Variants in MCC observed in about 807,000 individuals in gnomAD.
The protein encoded by MCC is colorectal mutant cancer protein.
Under a neutral mutation model 116.2 loss-of-function variants are expected in MCC, and 90 were observed. The ratio of observed to expected loss-of-function variants is 0.77; its 90% confidence interval spans 0.65 to 0.92. The LOEUF (loss-of-function observed/expected upper bound fraction) is 0.92. Ranked by LOEUF, MCC falls within the 40% of genes least tolerant of loss-of-function variation. MCC has a pLI of 0.00. For missense variants in MCC, 1,516 were observed against 1,312.2 expected, an observed-to-expected ratio of 1.16 and a Z score of -2.40; for synonymous variants, 578 against 510.5, an observed-to-expected ratio of 1.13 and a Z score of -1.78.
chr5:113,408,036 G>A (rs1769886114), intron 1 of MCC, among the ~76,000 whole-genome samples: 1 of 150,116 alleles, frequency 6.7e-6, no homozygotes, highest in African/African-American at 2.5e-5. Context: ...AGGGAACAGA[G>A]GAAAAGCAAA....
intron 3 of MCC, among the ~76,000 whole-genome samples, chr5:113,251,552 G>A (rs1561486268): frequency 1.3e-5 from 2 of 152,174 alleles, no homozygotes; most frequent in Non-Finnish European, 1.5e-5. Context: ...TGGACTGAGG[G>A]ATAGGGGCTG....
At chr5:113,093,981 G>C (rs1755833635) in intron 8 of MCC, among the ~76,000 whole-genome samples, 1 of 152,180 alleles carries the variant, frequency 6.6e-6, no homozygotes, top group Admixed American at 6.5e-5. Flanking sequence ...AGAATGGTGA[G>C]AATCACTAGG....
intron 1 of MCC, among the ~76,000 whole-genome samples, chr5:113,420,153 TAA>T (rs1437930545): frequency 3.3e-5 from 5 of 150,664 alleles, no homozygotes; most frequent in Admixed American, 3.3e-4. Flanking sequence ...ATCTTATACT[TAA>T]GATTAAATAT....
chr5:113,126,990 TG>T (rs1412114645), intron 5 of MCC, among the ~76,000 whole-genome samples: 7 of 152,120 alleles, frequency 4.6e-5, no homozygotes, highest in Non-Finnish European at 5.9e-5. Context: ...CAATACCCAA[TG>T]GTTATATTTT....
At chr5:113,137,283 G>C (rs534772405) in intron 5 of MCC, among the ~76,000 whole-genome samples, 6 of 152,222 alleles carry the variant, frequency 3.9e-5, no homozygotes, top group Admixed American at 3.3e-4. Context: ...GAATAGAATG[G>C]AAGAAACCAG....
chr5:113,280,246 A>T lies in MCC; in HGVS notation c.627+60273T>A, dbSNP rs180954723. On this transcript the variant is annotated intron_variant, in intron 3 of 18. Transcript: ENST00000408903. ...CGAGCTGTAGCCCAGATCCTTTTTCATGGAAAGGGAACCTGGGGGTGGTGG... is the reference window on the plus strand; with the variant it reads ...CGAGCTGTAGCCCAGATCCTTTTTCTTGGAAAGGGAACCTGGGGGTGGTGG... 1.6e-4 allele frequency among the ~76,000 whole-genome samples: 25 copies of T among 152,258 alleles called. No homozygotes were observed. The East Asian group carries it at 4.8e-3, about 29-fold the overall frequency.
chr5:113,394,078 T>G (rs1357840646), intron 1 of MCC, among the ~76,000 whole-genome samples: 3 of 152,202 alleles, frequency 2.0e-5, no homozygotes, highest in Admixed American at 2.0e-4. Flanking sequence ...ATATTTATCT[T>G]GAACTCAAAG....
chr5:113,367,286 A>AT (rs1433847168), intron 2 of MCC, among the ~76,000 whole-genome samples: 5 of 151,766 alleles, frequency 3.3e-5, no homozygotes, highest in African/African-American at 9.7e-5. Context: ...CTTGGGACTA[A>AT]TTTTTTTGTA....
chr5:113,173,818 A>T, intron 3 of MCC, among the ~76,000 whole-genome samples: 1 of 152,182 alleles, frequency 6.6e-6, no homozygotes, highest in East Asian at 1.9e-4. Flanking sequence ...TAGTATTTCA[A>T]ACCCCAATTA....
intron 18 of MCC, among the ~76,000 whole-genome samples, chr5:113,028,430 GT>G (rs1328213484): frequency 6.6e-6 from 1 of 151,626 alleles, no homozygotes; most frequent in Non-Finnish European, 1.5e-5. Flanking sequence ...ATTTATCTTG[GT>G]TTTAGTTCTA....
At chr5:113,330,989 G>C (rs1248766960) in intron 3 of MCC, among the ~76,000 whole-genome samples, 9 of 152,182 alleles carry the variant, frequency 5.9e-5, no homozygotes. Context: ...GATTGCCAAA[G>C]GGCAGAAGAA....
At chr5:113,433,156 T>C (rs554963473) in intron 1 of MCC, 126 of 169,860 alleles carry the variant, frequency 7.4e-4, no homozygotes, top group Admixed American at 6.3e-3. Flanking sequence ...TTATGGATCT[T>C]GCCCAGAGCT....
chr5:113,376,087 T>C (rs922671078), intron 2 of MCC, among the ~76,000 whole-genome samples: 85 of 152,242 alleles, frequency 5.6e-4, no homozygotes, highest in African/African-American at 1.9e-3. Context: ...AGATTTAAAA[T>C]AAAAAAATTA....
intron 1 of MCC, among the ~76,000 whole-genome samples, chr5:113,399,479 T>A (rs1769621907): frequency 6.6e-6 from 1 of 152,048 alleles, no homozygotes; most frequent in African/African-American, 2.4e-5. Context: ...AGCAAGACTC[T>A]GTCTCAAAAA....
intron 5 of MCC, among the ~76,000 whole-genome samples, chr5:113,137,995 G>T (rs1023470547): frequency 2.0e-5 from 3 of 151,386 alleles, no homozygotes; most frequent in African/African-American, 7.3e-5. Context: ...TTCTAGGGTA[G>T]TCACAGAAGG....
chr5:113,051,151 A>C (rs573362756), intron 15 of MCC, among the ~76,000 whole-genome samples: 1 of 152,294 alleles, frequency 6.6e-6, no homozygotes, highest in African/African-American at 2.4e-5. Flanking sequence ...AACAGATCTA[A>C]ACATAGAACC....
rs1310454692 is a variant in MCC, at chr5:113,053,978, A to G, written c.2214-19T>C. 6 of 1,564,712 alleles carry G rather than the reference A, an allele frequency of 3.8e-6. No individual in the cohort carries two copies. Among genetic ancestry groups the G allele is most frequent in the East Asian group, 2.2e-5 (1 of 44,476 alleles). On this transcript the variant is annotated intron_variant, in intron 14 of 18. Coordinates refer to ENST00000408903, the MANE Select transcript of MCC (RefSeq NM_001085377.2). ...GGTTGTGCTGAGAAAGAAGAAAAAC[A>G]AAGACCCACCACCCTGTGTTATTCC...
At chr5:113,209,769 G>A (rs866345580) in intron 3 of MCC, among the ~76,000 whole-genome samples, 1 of 152,024 alleles carries the variant, frequency 6.6e-6, no homozygotes, top group Non-Finnish European at 1.5e-5. Flanking sequence ...TGTACTTCCT[G>A]GGATGTCATG....
chr5:113,066,985 T>G (rs1290321935), intron 13 of MCC, among the ~76,000 whole-genome samples: 1 of 152,194 alleles, frequency 6.6e-6, no homozygotes, highest in East Asian at 1.9e-4. Context: ...CGGCCACCTT[T>G]CTCCTTGGGT....
Sources: allele counts gnomAD v4.1 joint callset (sites outside exome capture counted in the v4.1 genomes callset), GRCh38; gene constraint gnomAD v4.1.1; transcripts MANE v1.5; gene names NCBI Gene and HGNC (gene_info 2026-07-23, HGNC 2026-07-21).